The following NPAS2 variants were observed in gnomAD, a reference collection of about 807,000 sequenced individuals.
NPAS2 encodes neuronal PAS domain-containing protein 2.
NPAS2 carries 23 observed loss-of-function variants against 107.5 expected under a neutral mutation model. That is an observed-to-expected ratio of 0.21 (90% CI 0.15 to 0.30). The LOEUF (loss-of-function observed/expected upper bound fraction) is 0.30, where lower values mean the gene tolerates loss of function less well. NPAS2 is among the 10% of genes least tolerant of loss of function. The probability of loss-of-function intolerance (pLI) is 1.00; values close to 1 mark genes in which losing one functional copy is unlikely to be tolerated. For missense variants in NPAS2, 756 were observed against 1,043.3 expected (o/e 0.72, Z 3.79); for synonymous variants, 403 against 417.5 (o/e 0.97, Z 0.42).
At chr2:100,843,393 T>A (rs1677570856) in intron 1 of NPAS2, among the ~76,000 whole-genome samples, 1 of 152,088 alleles carries the variant, frequency 6.6e-6, no homozygotes. Context: ...AAAATTAGAT[T>A]ACAGCCAAAC....
At chr2:100,870,737 T>G (rs1442237372) in intron 1 of NPAS2, among the ~76,000 whole-genome samples, 1 of 152,182 alleles carries the variant, frequency 6.6e-6, no homozygotes, top group African/African-American at 2.4e-5. Context: ...GGCAGGTCCC[T>G]TCTTCTTCCA....
intron 3 of NPAS2, among the ~76,000 whole-genome samples, chr2:100,930,197 A>T (rs732375): frequency 0.13 from 19,205 of 152,192 alleles, 1,350 homozygotes; most frequent in South Asian, 0.16. Flanking sequence ...TTCTCCTAAC[A>T]TTAAATCCCA....
intron 1 of NPAS2, among the ~76,000 whole-genome samples, chr2:100,821,729 G>T (rs1304301405): frequency 1.3e-5 from 2 of 152,140 alleles, no homozygotes; most frequent in Non-Finnish European, 2.9e-5. Context: ...GGGAGGCACT[G>T]TTCACATTCA....
chr2:100,857,672 G>A (rs536856192), intron 1 of NPAS2, among the ~76,000 whole-genome samples: 22 of 152,224 alleles, frequency 1.4e-4, no homozygotes, highest in African/African-American at 2.7e-4. Flanking sequence ...AATGGGTGGC[G>A]TGAAAACACG....
At position 100,976,707 on chromosome 2, in the gene NPAS2, A is replaced by C. The variant is rs1677033799; in HGVS notation, c.1393-1003A>C. 1 of 152,084 alleles carries C rather than the reference A, an allele frequency of 6.6e-6. No homozygotes were observed. The highest frequency in any genetic ancestry group is 1.5e-5 in the Non-Finnish European group (1 of 68,060). 9.4% of individuals were successfully genotyped at this position (152,084 alleles called of 1,614,324 possible). ...TATTTTCAAGTAGAATGTGGCAAAGACCACTTACTTTCTCTCCAGCCACCT... is the reference window on the plus strand; with the variant it reads ...TATTTTCAAGTAGAATGTGGCAAAGCCCACTTACTTTCTCTCCAGCCACCT... On this transcript the variant is annotated intron_variant, in intron 14 of 20. Transcript: ENST00000335681. The surrounding 1 kb of genome is among the most constrained non-coding windows in gnomAD (Gnocchi z 4.1).
At chr2:100,953,553 C>A (rs754793938) in intron 7 of NPAS2, among the ~76,000 whole-genome samples, 1 of 152,018 alleles carries the variant, frequency 6.6e-6, no homozygotes, top group Non-Finnish European at 1.5e-5. Context: ...TCTAAGCACC[C>A]GGCCCAGAGT....
intron 11 of NPAS2, among the ~76,000 whole-genome samples, chr2:100,969,165 C>G (rs1017022556): frequency 7.9e-5 from 12 of 151,620 alleles, no homozygotes; most frequent in Non-Finnish European, 4.4e-5. Context: ...GTTGGAAGGA[C>G]AGCATGCCTT....
intron 12 of NPAS2, among the ~76,000 whole-genome samples, chr2:100,974,201 G>A (rs966553404): frequency 2.0e-5 from 3 of 152,180 alleles, no homozygotes; most frequent in Non-Finnish European, 4.4e-5. Context: ...ATGGAAAAAC[G>A]GTCCTTCGGA....
At chr2:100,959,384 G>A (rs1675791594) in intron 7 of NPAS2, among the ~76,000 whole-genome samples, 1 of 152,150 alleles carries the variant, frequency 6.6e-6, no homozygotes, top group South Asian at 2.1e-4. Flanking sequence ...AGAAAGGAAA[G>A]GATCAAATAT....
intron 1 of NPAS2, among the ~76,000 whole-genome samples, chr2:100,862,722 C>G (rs1408594586): frequency 3.3e-5 from 5 of 152,180 alleles, no homozygotes; most frequent in Non-Finnish European, 7.3e-5. Context: ...ACGCATTGGG[C>G]CTGGCTTTTG....
At chr2:100,994,577 A>G (rs1678334239) in intron 20 of NPAS2, 1 of 152,370 alleles carries the variant, frequency 6.6e-6, no homozygotes. Flanking sequence ...TGGGGTGCAG[A>G]GAGGTGGGTT....
chr2:100,981,041 A>C (rs1022106027), intron 15 of NPAS2, among the ~76,000 whole-genome samples: 1 of 152,080 alleles, frequency 6.6e-6, no homozygotes, highest in Non-Finnish European at 1.5e-5. Flanking sequence ...CTGGCACCTG[A>C]GGGTCTCTGC....
chr2:100,988,951 C>G (rs1677946589), intron 17 of NPAS2: 1 of 237,432 alleles, frequency 4.2e-6, no homozygotes, highest in Non-Finnish European at 8.1e-6. Flanking sequence ...CCCTGTTCCT[C>G]CAGGCGCCCC....
At chr2:100,957,034 A>T (rs574772465) in intron 7 of NPAS2, among the ~76,000 whole-genome samples, 1 of 152,300 alleles carries the variant, frequency 6.6e-6, no homozygotes, top group Admixed American at 6.5e-5. Flanking sequence ...CCTTCAGCCA[A>T]GTGGAATTTT....
chr2:100,908,600 AGAAAGCAATTATCTAACTTT>A (rs1006316808), intron 2 of NPAS2, among the ~76,000 whole-genome samples: 13 of 152,210 alleles, frequency 8.5e-5, no homozygotes, highest in Admixed American at 4.6e-4. Context: ...TGCTTTCCAA[AGAAAGCAATTATCTAACTTT>A]GCCGTATTGC....
At position 100,995,725 on chromosome 2, in the gene NPAS2, ATCTCT is replaced by A; in HGVS notation, c.*144_*148del. The A allele has an allele frequency of 6.5e-7, 1 of 1,549,782 alleles. No homozygotes were observed. Among genetic ancestry groups the A allele is most frequent in the African/African-American group, 1.4e-5 (1 of 73,176 alleles). Reference sequence around the variant, plus strand: ...GTTTCAGAACTCCTGGATGGTAACCATCTCTGGAGTGCAGCGCTTGCTGCAGTGGA... The same window carrying A: ...GTTTCAGAACTCCTGGATGGTAACCAGGAGTGCAGCGCTTGCTGCAGTGGA... On this transcript the variant is annotated 3_prime_UTR_variant, in exon 21 of 21. Coordinates refer to ENST00000335681, the MANE Select transcript of NPAS2 (RefSeq NM_002518.4).
chr2:100,824,491 G>A (rs2104319309), intron 1 of NPAS2, among the ~76,000 whole-genome samples: 1 of 152,302 alleles, frequency 6.6e-6, no homozygotes, highest in East Asian at 1.9e-4. Flanking sequence ...CCTCTTTGAG[G>A]GGCATTGGTC....
At position 100,949,350 on chromosome 2, in the gene NPAS2, T is replaced by G; in HGVS notation, c.485-17T>G. 1 of 1,500,602 alleles carries G rather than the reference T, an allele frequency of 6.7e-7. No homozygotes were observed. The highest frequency in any genetic ancestry group is 9.3e-7 in the Non-Finnish European group (1 of 1,076,536). 93.0% of individuals were successfully genotyped at this position (1,500,602 alleles called of 1,614,324 possible). On this transcript the variant is annotated splice_polypyrimidine_tract_variant and intron_variant, in intron 6 of 20. Coordinates refer to ENST00000335681, the MANE Select transcript of NPAS2 (RefSeq NM_002518.4). The stretch of plus-strand genomic sequence containing the variant: ...CTCACGACCCCTTTCTCTCCTCTTC[T>G]TCCTTTAACGGCCCAGCTGACAGCG...
chr2:100,949,223 G>A, intron 6 of NPAS2, 144 bp from the exon 7 acceptor site: 1 of 647,334 alleles, frequency 1.5e-6, no homozygotes, highest in South Asian at 1.7e-5. Flanking sequence ...TACAAACCAG[G>A]CCCAAAAGTC....
Sources: gnomAD v4.1 joint callset for allele counts (sites outside exome capture counted in the v4.1 genomes callset) on GRCh38, gnomAD v4.1.1 for gene constraint, Gnocchi (gnomAD v3.1) non-coding constraint, MANE v1.5 for transcripts, NCBI Gene and HGNC (gene_info 2026-07-23, HGNC 2026-07-21) for gene names.